Variants in SMARCD2 observed in about 807,000 individuals in gnomAD.
SMARCD2 encodes SWI/SNF related BAF chromatin remodeling complex subunit D2.
A neutral mutation model predicts 70.4 loss-of-function variants in SMARCD2; 39 were observed. That is an observed-to-expected ratio of 0.55 (90% CI 0.43 to 0.72). SMARCD2 has a LOEUF of 0.72. Among genes scored for constraint, SMARCD2 ranks in the 30% least tolerant of loss-of-function variants. SMARCD2 has a pLI of 0.00. For synonymous variants in SMARCD2, 249 were observed against 279.4 expected (o/e 0.89, Z 1.08); for missense variants, 540 against 713.4 (o/e 0.76, Z 2.77).
Position 63,835,138 on chromosome 17 carries a change from T to C in SMARCD2, c.723+274A>G, listed in dbSNP as rs183139246. ...CAAGTGTCTGGCCCAGTCTTTTTTT[T>C]TCTGAGACACAATCTCACTCTGTCA... On this transcript the variant is annotated intron_variant, in intron 5 of 12. Transcript: ENST00000448276. 31 of 531,512 alleles carry C rather than the reference T, an allele frequency of 5.8e-5. No homozygotes were observed. In the Admixed American group the frequency reaches 9.8e-4, roughly 17 times the overall value. The allele number at this position is 531,512 out of a possible 1,614,324, so 32.9% of individuals were successfully genotyped here.
rs1187866885 is a variant in SMARCD2 at position 63,833,906 on chromosome 17, T to C, written c.1181+3A>G. 7 of 1,603,976 alleles carry C rather than the reference T, an allele frequency of 4.4e-6. No homozygotes were observed. The East Asian group carries it at 1.1e-4, about 26-fold the overall frequency. The stretch of plus-strand genomic sequence containing the variant: ...GCCTTCCTGTCCCCCTCCTTGCATT[T>C]ACCTAATGACATGGTTGATGACAAT... On this transcript the variant is annotated splice_donor_region_variant and intron_variant, in intron 9 of 12. Transcript: ENST00000448276. This position sits in a 1 kb window ranked among gnomAD's most constrained non-coding sequence, Gnocchi z 4.3.
chr17:63,839,315 T>A, intron 1 of SMARCD2: 1 of 837,676 alleles, frequency 1.2e-6, no homozygotes, highest in South Asian at 5.5e-5. Flanking sequence ...GGAAGCTCCC[T>A]GCTGCAGTGT....
At position 63,840,337 on chromosome 17, in the gene SMARCD2, A is replaced by AT. The variant is rs57487581; in HGVS notation, c.216+2121dup. Among the ~76,000 whole-genome samples, 809 of 141,972 alleles carry AT rather than the reference A, an allele frequency of 5.7e-3. 5 individuals carry two copies. Among genetic ancestry groups the AT allele is most frequent in the African/African-American group, 0.016 (633 of 38,464 alleles). The allele number at this position is 141,972 out of a possible 152,430, so 93.1% of individuals were successfully genotyped here. ...AGCGCACACCACCATGCTTGGCTAA[A>AT]TTTTTTTTTTTTTTTTTAAGAGATG... On this transcript the variant is annotated intron_variant, in intron 1 of 12. Transcript: ENST00000448276.
At chr17:63,838,892 T>C (rs1904331321) in intron 1 of SMARCD2, 2 of 985,206 alleles carry the variant, frequency 2.0e-6, no homozygotes, top group Non-Finnish European at 1.2e-6. Context: ...CATCCCGCAC[T>C]AAACCCATGT....
At position 63,833,291 on chromosome 17, in the gene SMARCD2, A is replaced by G; in HGVS notation, c.1440+7T>C. On this transcript the variant is annotated splice_region_variant and intron_variant, in intron 11 of 12. Coordinates refer to ENST00000448276, the MANE Select transcript of SMARCD2 (RefSeq NM_001098426.2). The surrounding 1 kb of genome is among the most constrained non-coding windows in gnomAD (Gnocchi z 4.3). ...CATAGGAGTCCCCTCGGGAAAGAGG[A>G]CTACACCTTGAGGTCTCGGCGCTGG... 6.2e-7 allele frequency: 1 copy of G among 1,613,946 alleles called. No homozygotes were observed. Among genetic ancestry groups the G allele is most frequent in the Non-Finnish European group, 8.5e-7 (1 of 1,179,878 alleles).
chr17:63,832,941 G>C lies in SMARCD2; in HGVS notation c.1593C>G (p.Thr531=). 1.3e-6 allele frequency: 2 copies of C among 1,565,038 alleles called. No homozygotes were observed. ...ELEQVLGIRL[T] is the part of the protein sequence containing the mutation. ...GGGAAGAAAGATCCCTGAGCAGTTA[G>C]GTCAGGCGAATTCCCAGCACCTGTT... The change falls in exon 13 of 13, where the codon ACC becomes ACG. Residue 531 remains threonine (T), a synonymous_variant. Coordinates refer to ENST00000448276, the MANE Select transcript of SMARCD2 (RefSeq NM_001098426.2).
At chr17:63,838,993 G>A in intron 1 of SMARCD2, 1 of 985,414 alleles carries the variant, frequency 1.0e-6, no homozygotes, top group Non-Finnish European at 1.2e-6. Flanking sequence ...GAGGAGCAGG[G>A]TGGGACGGAA....
In SMARCD2 at chr17:63,832,617, T is replaced by G. The variant is rs2040205962; in HGVS notation, c.*321A>C. ...TGACCCTCGCCCCAGGGGGAGTCTG[T>G]AAACATGCAAACCCAGCAGCCTTTG... is the stretch of plus-strand genomic sequence containing the variant. On this transcript the variant is annotated 3_prime_UTR_variant, in exon 13 of 13. Coordinates refer to ENST00000448276, the MANE Select transcript of SMARCD2 (RefSeq NM_001098426.2). 2.3e-6 allele frequency: 1 copy of G among 427,372 alleles called. No homozygotes were observed. The highest frequency in any genetic ancestry group is 2.0e-5 in the African/African-American group (1 of 49,970). The allele number at this position is 427,372 out of a possible 1,614,324, so 26.5% of individuals were successfully genotyped here. A position where few individuals can be genotyped will look rare whatever the true frequency, so the allele number is the denominator to read the frequency against.
chr17:63,833,774 A>C lies in SMARCD2; in HGVS notation c.1182-52T>G, dbSNP rs545155853. 2 of 1,610,500 alleles carry C rather than the reference A, an allele frequency of 1.2e-6. No individual in the cohort carries two copies. The highest frequency in any genetic ancestry group is 2.2e-5 in the East Asian group (1 of 44,814). ...GCACATAGCTGACTTCATCCTGCCC[A>C]CCTGGGCCAAATCTGGGGCCCATTC... is the stretch of plus-strand genomic sequence containing the variant. On this transcript the variant is annotated intron_variant, in intron 9 of 12. Transcript: ENST00000448276. The surrounding 1 kb of genome is among the most constrained non-coding windows in gnomAD (Gnocchi z 4.3).
intron 1 of SMARCD2, chr17:63,838,606 C>A: frequency 6.7e-7 from 1 of 1,489,786 alleles, no homozygotes; most frequent in South Asian, 1.3e-5. Flanking sequence ...GAAGGATTTC[C>A]CACCTGAGGC....
chr17:63,833,376 T>C lies in SMARCD2; in HGVS notation c.1362A>G (p.Arg454=). 1.2e-6 allele frequency: 2 copies of C among 1,613,962 alleles called. No individual in the cohort carries two copies. Among genetic ancestry groups the C allele is most frequent in the Non-Finnish European group, 1.7e-6 (2 of 1,179,904 alleles). ...CGGTGCTAAAACTGAGCATGAAATC[T>C]CTCTGGGTCTTCAGCTGGTTGATGG... The part of the protein sequence containing the change: ...IESINQLKTQ[R]DFMLSFSTDP... The change falls in exon 11 of 13, where the codon AGA becomes AGG. Residue 454 remains arginine (R), a synonymous_variant. Transcript: ENST00000448276. This position sits in a 1 kb window ranked among gnomAD's most constrained non-coding sequence, Gnocchi z 4.3.
intron 1 of SMARCD2, chr17:63,839,033 G>A (rs1023230406): frequency 2.0e-6 from 2 of 985,162 alleles, no homozygotes; most frequent in Admixed American, 6.1e-5. Context: ...GTTCAAAGTG[G>A]GGGGCTCTGG....
intron 1 of SMARCD2, among the ~76,000 whole-genome samples, chr17:63,840,130 GA>G (rs199531971): frequency 4.1e-5 from 6 of 147,318 alleles, no homozygotes; most frequent in Non-Finnish European, 7.5e-5. Context: ...CTCCGTATCA[GA>G]AAAAAAAAAA....
intron 5 of SMARCD2, 79 bp downstream of exon 5, chr17:63,835,333 G>T: frequency 6.9e-7 from 1 of 1,449,650 alleles, no homozygotes; most frequent in Non-Finnish European, 9.4e-7. Context: ...CTGCTGCTCA[G>T]GCTAGTATCA....
rs756176572 is a variant in SMARCD2 at position 63,837,414 on chromosome 17, AGAGT to A, written c.401+23_401+26del. The A allele has an allele frequency of 3.2e-6, 5 of 1,569,826 alleles. No individual in the cohort carries two copies. Among genetic ancestry groups the A allele is most frequent in the Non-Finnish European group, 3.5e-6 (4 of 1,154,396 alleles). On this transcript the variant is annotated intron_variant, in intron 2 of 12. Transcript: ENST00000448276. This position sits in a 1 kb window ranked among gnomAD's most constrained non-coding sequence, Gnocchi z 6.4. ...TGCTACCACCAGAGCTGAGTTAGGC[AGAGT>A]GAGAGAAGCAGGATGCTCTTACCCC...
chr17:63,838,567 G>T (rs1464941670), intron 1 of SMARCD2: 3 of 1,392,746 alleles, frequency 2.2e-6, no homozygotes, highest in East Asian at 5.6e-5. Flanking sequence ...GAAAGTGGGA[G>T]ACAGAAATAG....
At chr17:63,838,880 T>G (rs1904326391) in intron 1 of SMARCD2, 1 of 985,196 alleles carries the variant, frequency 1.0e-6, no homozygotes, top group Non-Finnish European at 1.2e-6. Context: ...CCCCAACCTC[T>G]TCATCCCGCA....
intron 4 of SMARCD2, 165 bp from the exon 5 acceptor site, chr17:63,835,732 G>T: frequency 3.5e-6 from 2 of 563,422 alleles, no homozygotes; most frequent in Non-Finnish European, 3.0e-6. Context: ...CCCAGTCCCA[G>T]CCTTTTTTTT....
chr17:63,842,479 C>A lies in SMARCD2; in HGVS notation c.196G>T (p.Gly66Cys). 6 of 1,252,916 alleles carry A rather than the reference C, an allele frequency of 4.8e-6. No homozygotes were observed. Among genetic ancestry groups the A allele is most frequent in the Non-Finnish European group, 6.0e-6 (6 of 1,001,714 alleles). The allele number at this position is 1,252,916 out of a possible 1,614,324, so 77.6% of individuals were successfully genotyped here. A position where few individuals can be genotyped will look rare whatever the true frequency, so the allele number is the denominator to read the frequency against. The change falls in exon 1 of 13, where the codon GGC becomes TGC. Residue 66 changes from glycine to cysteine, a missense_variant. Gly to Cys is a radical substitution (Grantham distance 159). Transcript: ENST00000448276. ...CTCACCTGGTACTGCGCCGCGGGGC[C>A]CGCGGGGCCCATGGGGCGGAAGGCG... Reference protein sequence around the residue: ...AAAFRPMGPAGPAAQYQRPGM... With the variant: ...AAAFRPMGPACPAAQYQRPGM...
Sources: gnomAD v4.1 joint callset for allele counts (sites outside exome capture counted in the v4.1 genomes callset) on GRCh38, gnomAD v4.1.1 for gene constraint, Gnocchi (gnomAD v3.1) non-coding constraint, MANE v1.5 for transcripts, NCBI Gene and HGNC (gene_info 2026-07-23, HGNC 2026-07-21) for gene names.